Variants in GALNTL6 observed in about 807,000 individuals in gnomAD.
GALNTL6 encodes the protein polypeptide N-acetylgalactosaminyltransferase-like 6.
GALNTL6 carries 46 observed loss-of-function variants against 73.7 expected under a neutral mutation model. The ratio of observed to expected loss-of-function variants is 0.62; its 90% CI spans 0.49 to 0.80. The LOEUF (loss-of-function observed/expected upper bound fraction) is 0.80. Ranked by LOEUF, GALNTL6 falls within the 30% of genes least tolerant of loss-of-function variation. The pLI is 0.00. For synonymous variants in GALNTL6, 259 were observed against 263.7 expected, an observed-to-expected ratio of 0.98 and a Z score of 0.17; for missense variants, 604 against 755.0, an observed-to-expected ratio of 0.80 and a Z score of 2.34.
intron 5 of GALNTL6, among the ~76,000 whole-genome samples, chr4:172,351,499 A>G (rs1413453817): frequency 6.6e-6 from 1 of 152,130 alleles, no homozygotes; most frequent in Non-Finnish European, 1.5e-5. Context: ...TGTTTTTACT[A>G]TTAGAAGAAA....
At chr4:172,864,454 G>A (rs910813604) in intron 7 of GALNTL6, among the ~76,000 whole-genome samples, 2 of 152,196 alleles carry the variant, frequency 1.3e-5, no homozygotes, top group African/African-American at 2.4e-5. Context: ...AATTTGAGAA[G>A]TACTAGAATA....
At chr4:172,960,082 G>A (rs1362587714) in intron 10 of GALNTL6, among the ~76,000 whole-genome samples, 1 of 152,194 alleles carries the variant, frequency 6.6e-6, no homozygotes. Context: ...TTTAATGTCA[G>A]GAGCAGATTA....
chr4:172,978,894 A>G (rs1242872435), intron 10 of GALNTL6, among the ~76,000 whole-genome samples: 3 of 152,202 alleles, frequency 2.0e-5, no homozygotes, highest in East Asian at 1.9e-4. Flanking sequence ...CAGCTCCAAC[A>G]TTTACTGGAT....
intron 4 of GALNTL6, among the ~76,000 whole-genome samples, chr4:172,340,865 T>C (rs1741534655): frequency 6.6e-6 from 1 of 152,192 alleles, no homozygotes; most frequent in Non-Finnish European, 1.5e-5. Flanking sequence ...GGTTGTTCCT[T>C]TGTATGCTTG....
chr4:172,060,898 T>C (rs1242676085), intron 2 of GALNTL6, among the ~76,000 whole-genome samples: 1 of 152,226 alleles, frequency 6.6e-6, no homozygotes, highest in East Asian at 1.9e-4. Context: ...TATTCCATTA[T>C]GTAAATAAAA....
intron 9 of GALNTL6, among the ~76,000 whole-genome samples, chr4:172,946,156 AAG>A (rs1749157766): frequency 6.7e-6 from 1 of 149,020 alleles, no homozygotes; most frequent in Non-Finnish European, 1.5e-5. Flanking sequence ...TGTGTGAAGA[AAG>A]AGGATTCACT....
At chr4:172,984,499 G>T (rs886941297) in intron 10 of GALNTL6, among the ~76,000 whole-genome samples, 2 of 152,182 alleles carry the variant, frequency 1.3e-5, no homozygotes, top group African/African-American at 2.4e-5. Flanking sequence ...ATTTTGGGGG[G>T]CGGGGAGCAC....
chr4:172,415,501 G>A lies in GALNTL6; in HGVS notation c.553+66812G>A, dbSNP rs143188773. ...GTACTCATGGCTTTTTGCCCTGAAT[G>A]GTTATAAGGCTCAAATCTAACTAAA... On this transcript the variant is annotated intron_variant, in intron 5 of 12. Coordinates refer to ENST00000506823, the MANE Select transcript of GALNTL6 (RefSeq NM_001034845.3). 4.1e-3 allele frequency among the ~76,000 whole-genome samples: 620 copies of A among 152,202 alleles called. 5 individuals are homozygous for A. Among genetic ancestry groups the A allele is most frequent in the African/African-American group, 0.014 (573 of 41,536 alleles).
intron 2 of GALNTL6, among the ~76,000 whole-genome samples, chr4:172,221,361 C>T (rs1438362979): frequency 6.6e-6 from 1 of 151,484 alleles, no homozygotes; most frequent in Non-Finnish European, 1.5e-5. Flanking sequence ...CTAGAATATC[C>T]TTCTGAAGAA....
intron 5 of GALNTL6, among the ~76,000 whole-genome samples, chr4:172,777,590 T>G (rs1739141805): frequency 6.6e-6 from 1 of 152,238 alleles, no homozygotes; most frequent in Admixed American, 6.5e-5. Context: ...TATCTGACTC[T>G]TGGTAGGTGC....
intron 5 of GALNTL6, among the ~76,000 whole-genome samples, chr4:172,793,022 C>T (rs1235941781): frequency 6.6e-6 from 1 of 152,132 alleles, no homozygotes. Context: ...ATTATCGCCC[C>T]ATGTGAAAAC....
At chr4:171,949,071 C>G (rs751005948) in intron 2 of GALNTL6, among the ~76,000 whole-genome samples, 5 of 151,868 alleles carry the variant, frequency 3.3e-5, no homozygotes, top group Non-Finnish European at 7.4e-5. Flanking sequence ...GAACAAGAAT[C>G]TAGAAAAGTG....
intron 5 of GALNTL6, among the ~76,000 whole-genome samples, chr4:172,405,443 ATTTTTTTTTTTTTT>A (rs201198149): frequency 2.5e-4 from 2 of 7,890 alleles, no homozygotes; most frequent in African/African-American, 1.7e-3. Context: ...ATATATATAT[ATTTTTTTTTTTTTT>A]TTTTTTTTTC....
At chr4:172,848,008 A>G (rs1419956030) in intron 7 of GALNTL6, among the ~76,000 whole-genome samples, 2 of 152,186 alleles carry the variant, frequency 1.3e-5, no homozygotes, top group Admixed American at 6.5e-5. Flanking sequence ...TACATCTAGA[A>G]GCTTTAATCA....
intron 5 of GALNTL6, among the ~76,000 whole-genome samples, chr4:172,539,453 A>C (rs1427399617): frequency 6.6e-6 from 1 of 151,862 alleles, no homozygotes; most frequent in African/African-American, 2.4e-5. Flanking sequence ...TCTTGGAAAG[A>C]CCTTTCCCTC....
At chr4:172,640,460 A>G (rs1560851398) in intron 5 of GALNTL6, among the ~76,000 whole-genome samples, 1 of 152,154 alleles carries the variant, frequency 6.6e-6, no homozygotes, top group Non-Finnish European at 1.5e-5. Context: ...GCCATAACAA[A>G]ATACCATAGA....
Position 172,941,398 on chromosome 4 carries a change from G to A in GALNTL6, c.1149+10130G>A, listed in dbSNP as rs1199351648. Among the ~76,000 whole-genome samples, 11 of 152,298 alleles carry A rather than the reference G, an allele frequency of 7.2e-5. No homozygotes were observed. The South Asian group carries it at 2.3e-3, about 32-fold the overall frequency. ...TTACTTTCACTTTGTCATTCTTAATGAAATTAAAATGGGATTTATCTTCCA... is the reference window on the plus strand; with the variant it reads ...TTACTTTCACTTTGTCATTCTTAATAAAATTAAAATGGGATTTATCTTCCA... On this transcript the variant is annotated intron_variant, in intron 9 of 12. Transcript: ENST00000506823.
chr4:172,410,983 G>T (rs115709117), intron 5 of GALNTL6, among the ~76,000 whole-genome samples: 2,899 of 152,158 alleles, frequency 0.019, 84 homozygotes, highest in African/African-American at 0.064. Context: ...GGCAAAACAA[G>T]CCACATTTGA....
intron 2 of GALNTL6, among the ~76,000 whole-genome samples, chr4:172,043,399 T>A (rs1041011771): frequency 2.6e-5 from 4 of 152,004 alleles, no homozygotes; most frequent in African/African-American, 9.7e-5. Context: ...TGATAAGATA[T>A]GATACAAGCT....
Sources: gnomAD v4.1 joint callset for allele counts (sites outside exome capture counted in the v4.1 genomes callset) on GRCh38, gnomAD v4.1.1 for gene constraint, MANE v1.5 for transcripts, NCBI Gene and HGNC (gene_info 2026-07-23, HGNC 2026-07-21) for gene names.